The following CAMTA1 variants were observed in gnomAD, a reference collection of about 807,000 sequenced individuals.
CAMTA1 encodes the protein calmodulin binding transcription activator 1.
In CAMTA1, 27 loss-of-function variants were observed where a neutral mutation model predicts 170.9. The ratio of observed to expected loss-of-function variants is 0.16; its 90% confidence interval spans 0.12 to 0.22. The LOEUF (loss-of-function observed/expected upper bound fraction) is 0.22, where lower values mean the gene tolerates loss of function less well. CAMTA1 is among the 10% of genes least tolerant of loss of function. CAMTA1 has a pLI of 1.00. For synonymous variants in CAMTA1, 833 were observed against 891.5 expected (o/e 0.93, Z 1.17); for missense variants, 1,619 against 2,217.2 (o/e 0.73, Z 5.42).
At chr1:7,108,924 C>T (rs753380151) in intron 4 of CAMTA1, among the ~76,000 whole-genome samples, 11 of 152,140 alleles carry the variant, frequency 7.2e-5, no homozygotes, top group African/African-American at 1.2e-4. Flanking sequence ...GTTGAACACT[C>T]GACTGAGGCA....
At chr1:7,134,584 A>C (rs1456058669) in intron 4 of CAMTA1, among the ~76,000 whole-genome samples, 1 of 152,234 alleles carries the variant, frequency 6.6e-6, no homozygotes, top group Non-Finnish European at 1.5e-5. Flanking sequence ...TTGGGATTAT[A>C]GGACTGAGCC....
At chr1:7,357,512 C>T (rs374207850) in intron 5 of CAMTA1, among the ~76,000 whole-genome samples, 9 of 152,222 alleles carry the variant, frequency 5.9e-5, no homozygotes, top group East Asian at 5.8e-4. Flanking sequence ...ATAGGGGTCA[C>T]GATTTCCATC....
At position 7,305,039 on chromosome 1, in the gene CAMTA1, T is replaced by TA. The variant is rs200991238; in HGVS notation, c.438+55414dup. 9.2e-3 allele frequency among the ~76,000 whole-genome samples: 1,402 copies of TA among 152,222 alleles called. 21 individuals carry two copies. Among genetic ancestry groups the TA allele is most frequent in the African/African-American group, 0.033 (1,358 of 41,572 alleles). On this transcript the variant is annotated intron_variant, in intron 5 of 22. Coordinates refer to ENST00000303635, the MANE Select transcript of CAMTA1 (RefSeq NM_015215.4). ...ATTATGGTAGAAGGGACAGTGTCAA[T>TA]ATATTATACAACTTTATTTTTCTTC...
chr1:7,696,627 G>A (rs1036176167), intron 11 of CAMTA1, among the ~76,000 whole-genome samples: 1 of 152,094 alleles, frequency 6.6e-6, no homozygotes, highest in African/African-American at 2.4e-5. Context: ...CTACTGGGCT[G>A]TAGGGTACAC....
intron 6 of CAMTA1, among the ~76,000 whole-genome samples, chr1:7,639,676 T>C (rs1229437853): frequency 6.6e-6 from 1 of 151,164 alleles, no homozygotes; most frequent in Non-Finnish European, 1.5e-5. Flanking sequence ...GAGGCTGAAG[T>C]GGGAGGATCA....
At chr1:7,747,661 C>A in intron 18 of CAMTA1, 49 bp from the exon 19 acceptor site, 2 of 1,322,568 alleles carry the variant, frequency 1.5e-6, no homozygotes, top group Non-Finnish European at 2.1e-6. Flanking sequence ...GCTGACATTT[C>A]TGGTAGTTAA....
intron 3 of CAMTA1, among the ~76,000 whole-genome samples, chr1:6,960,840 T>C (rs1453496625): frequency 6.6e-6 from 1 of 152,250 alleles, no homozygotes; most frequent in Non-Finnish European, 1.5e-5. Flanking sequence ...GCTCTTACTT[T>C]GTGCAGGTCT....
chr1:7,580,061 C>T lies in CAMTA1; in HGVS notation c.511-60339C>T, dbSNP rs1221147246. ...TCACAACTCACACATGCATTCTGGC[C>T]TCTGGCCTGTGCCAGGCACACAGCT... is the stretch of plus-strand genomic sequence containing the variant. On this transcript the variant is annotated intron_variant, in intron 6 of 22. Transcript: ENST00000303635. This position sits in a 1 kb window ranked among gnomAD's most constrained non-coding sequence, Gnocchi z 4.3. 1.3e-5 allele frequency among the ~76,000 whole-genome samples: 2 copies of T among 152,278 alleles called. No individual in the cohort carries two copies. Among genetic ancestry groups the T allele is most frequent in the Non-Finnish European group, 2.9e-5 (2 of 68,058 alleles).
In CAMTA1 at chr1:7,064,870, C is replaced by T. The variant is rs1194415621; in HGVS notation, c.235-26434C>T. Reference sequence around the variant, plus strand: ...TGGGTGACTCCTGCTGCCATCTAGGCAAGACATGGCAGCCACTTAGATGAG... The same window carrying T: ...TGGGTGACTCCTGCTGCCATCTAGGTAAGACATGGCAGCCACTTAGATGAG... On this transcript the variant is annotated intron_variant, in intron 3 of 22. Coordinates refer to ENST00000303635, the MANE Select transcript of CAMTA1 (RefSeq NM_015215.4). This position sits in a 1 kb window ranked among gnomAD's most constrained non-coding sequence, Gnocchi z 5.4. 6.6e-6 allele frequency among the ~76,000 whole-genome samples: 1 copy of T among 151,856 alleles called. No individual in the cohort carries two copies. The highest frequency in any genetic ancestry group is 1.5e-5 in the Non-Finnish European group (1 of 67,968).
In CAMTA1 at chr1:7,751,404, A is replaced by G. The variant is rs1175883624; in HGVS notation, c.4883+12A>G. 6.4e-7 allele frequency: 1 copy of G among 1,572,812 alleles called. No homozygotes were observed. The highest frequency in any genetic ancestry group is 2.3e-5 in the East Asian group (1 of 44,348). On this transcript the variant is annotated intron_variant, in intron 20 of 22. Coordinates refer to ENST00000303635, the MANE Select transcript of CAMTA1 (RefSeq NM_015215.4). ...CAACAGAAACTCAGGTGGGTGGAGA[A>G]GAGCTCATGGAGGTAAAGCTCCCTA... is the stretch of plus-strand genomic sequence containing the variant.
intron 3 of CAMTA1, among the ~76,000 whole-genome samples, chr1:6,931,181 G>T (rs1356875541): frequency 6.6e-6 from 1 of 152,146 alleles, no homozygotes; most frequent in Admixed American, 6.5e-5. Flanking sequence ...GGCACCCCTA[G>T]GGAGCTTACT....
chr1:7,147,891 A>G (rs1223707712), intron 4 of CAMTA1, among the ~76,000 whole-genome samples: 5 of 147,086 alleles, frequency 3.4e-5, no homozygotes, highest in Non-Finnish European at 7.5e-5. Flanking sequence ...ACTCAAACAT[A>G]TACCATGCAC....
intron 5 of CAMTA1, among the ~76,000 whole-genome samples, chr1:7,467,351 G>C (rs2093234908): frequency 6.6e-6 from 1 of 152,164 alleles, no homozygotes; most frequent in African/African-American, 2.4e-5. Context: ...TGTCCCCCCT[G>C]GTTGGGCTCG....
chr1:7,247,312 C>T (rs1033034063), intron 4 of CAMTA1, among the ~76,000 whole-genome samples: 14 of 152,236 alleles, frequency 9.2e-5, no homozygotes, highest in Admixed American at 3.9e-4. Context: ...AGTGCAGTTG[C>T]GATTCTGACT....
intron 6 of CAMTA1, among the ~76,000 whole-genome samples, chr1:7,556,360 C>T (rs2094877534): frequency 6.6e-6 from 1 of 152,152 alleles, no homozygotes; most frequent in African/African-American, 2.4e-5. Flanking sequence ...GGGGCAGTCC[C>T]TCCAGGTTCA....
At chr1:7,271,385 T>C (rs1175374407) in intron 5 of CAMTA1, among the ~76,000 whole-genome samples, 3 of 152,152 alleles carry the variant, frequency 2.0e-5, no homozygotes, top group Non-Finnish European at 4.4e-5. Flanking sequence ...GCTTAAGGCA[T>C]GCAAGATGTG....
At chr1:7,223,706 C>A (rs11799528) in intron 4 of CAMTA1, among the ~76,000 whole-genome samples, 14,336 of 152,132 alleles carry the variant, frequency 0.094, 1,940 homozygotes, top group African/African-American at 0.3. Flanking sequence ...TTCATGGATG[C>A]ATGTGCCATT....
chr1:6,897,193 CAG>C (rs1342696659), intron 3 of CAMTA1, among the ~76,000 whole-genome samples: 4 of 152,232 alleles, frequency 2.6e-5, no homozygotes, highest in East Asian at 1.9e-4. Context: ...TGAGCACAGG[CAG>C]AGTCAGGAAA....
At chr1:6,984,080 A>G (rs75898455) in intron 3 of CAMTA1, among the ~76,000 whole-genome samples, 2 of 268 alleles carry the variant, frequency 7.5e-3, no homozygotes, top group African/African-American at 0.017. Flanking sequence ...ATGGGTGGAT[A>G]GATGGATGGG....
Sources: allele counts gnomAD v4.1 joint callset (sites outside exome capture counted in the v4.1 genomes callset), GRCh38; gene constraint gnomAD v4.1.1; non-coding constraint Gnocchi (gnomAD v3.1); transcripts MANE v1.5; gene names NCBI Gene and HGNC (gene_info 2026-07-23, HGNC 2026-07-21).